MYO3B: variants seen among roughly 807,000 people sequenced by gnomAD.
MYO3B encodes the protein myosin-IIIb.
In MYO3B, 156 loss-of-function variants were observed where a neutral mutation model predicts 174.6. The ratio of observed to expected loss-of-function variants is 0.89; its 90% CI spans 0.78 to 1.02. The LOEUF is 1.02. Among genes scored for constraint, MYO3B ranks in the 50% least tolerant of loss-of-function variants. The pLI is 0.00. For synonymous variants in MYO3B, 563 were observed against 569.1 expected, an observed-to-expected ratio of 0.99 and a Z score of 0.15; for missense variants, 1,632 against 1,639.4, an observed-to-expected ratio of 1.00 and a Z score of 0.08.
chr2:170,386,341 G>C, intron 13 of MYO3B, 69 bp downstream of exon 13: 1 of 1,333,998 alleles, frequency 7.5e-7, no homozygotes, highest in Non-Finnish European at 1.1e-6. Flanking sequence ...TTTGATAAAT[G>C]ATGGAAGTGC....
In MYO3B at chr2:170,444,006, C is replaced by T. The variant is rs2105912797; in HGVS notation, c.2690C>T (p.Ser897Leu). Residue 897 changes from serine (S) to leucine (L), a missense_variant, in exon 23 of 35, where the codon TCA becomes TTA. Coordinates refer to ENST00000408978, the MANE Select transcript of MYO3B (RefSeq NM_138995.5). ...ACAAGAGCTAGGATAACAGTGGCCTCAAGTTCTTTGCCTCCACATTTCAGT... is the reference window on the plus strand; with the variant it reads ...ACAAGAGCTAGGATAACAGTGGCCTTAAGTTCTTTGCCTCCACATTTCAGT... ...AQTRARITVA[S>L]SSLPPHFSAG... 6.2e-7 allele frequency: 1 copy of T among 1,613,222 alleles called. No individual in the cohort carries two copies. Among genetic ancestry groups the T allele is most frequent in the East Asian group, 2.2e-5 (1 of 44,874 alleles).
intron 1 of MYO3B, among the ~76,000 whole-genome samples, chr2:170,197,310 A>G (rs528062301): frequency 6.6e-6 from 1 of 152,324 alleles, no homozygotes; most frequent in African/African-American, 2.4e-5. Flanking sequence ...TCTTTACTGC[A>G]ATGCCATGAA....
At chr2:170,636,300 A>G (rs1045166793) in intron 32 of MYO3B, among the ~76,000 whole-genome samples, 1 of 152,170 alleles carries the variant, frequency 6.6e-6, no homozygotes, top group Non-Finnish European at 1.5e-5. Context: ...TCAAAAACAG[A>G]GCACTTTGAA....
chr2:170,544,149 A>G (rs998031435), intron 32 of MYO3B, among the ~76,000 whole-genome samples, 161 bp downstream of exon 32: 3 of 152,254 alleles, frequency 2.0e-5, no homozygotes, highest in African/African-American at 7.2e-5. Flanking sequence ...CTTGTATTAA[A>G]GGTAGCAGTT....
chr2:170,553,436 T>C (rs1424225589), intron 32 of MYO3B, among the ~76,000 whole-genome samples: 1 of 152,244 alleles, frequency 6.6e-6, no homozygotes, highest in Admixed American at 6.5e-5. Context: ...ACTACCCTGC[T>C]GGGTTTCAGA....
chr2:170,427,181 C>G (rs942377889), intron 22 of MYO3B, among the ~76,000 whole-genome samples: 5 of 152,128 alleles, frequency 3.3e-5, no homozygotes, highest in African/African-American at 1.2e-4. Flanking sequence ...CCTGCAACCT[C>G]TAGAATTAGT....
chr2:170,486,585 G>A (rs1686080768), intron 25 of MYO3B, among the ~76,000 whole-genome samples: 1 of 152,208 alleles, frequency 6.6e-6, no homozygotes, highest in South Asian at 2.1e-4. Flanking sequence ...ACAGGCGTGA[G>A]CCACCGTGCC....
intron 7 of MYO3B, among the ~76,000 whole-genome samples, chr2:170,242,481 T>C (rs891039017): frequency 1.3e-5 from 2 of 152,224 alleles, no homozygotes; most frequent in Non-Finnish European, 2.9e-5. Context: ...TTTCACTCTG[T>C]GGAACACATT....
At chr2:170,593,264 A>T in intron 32 of MYO3B, among the ~76,000 whole-genome samples, 1 of 151,986 alleles carries the variant, frequency 6.6e-6, no homozygotes, top group East Asian at 1.9e-4. Flanking sequence ...CACTTGGCTA[A>T]TTTTTTTAAA....
At chr2:170,184,514 G>A (rs2092439764) in intron 1 of MYO3B, among the ~76,000 whole-genome samples, 1 of 152,112 alleles carries the variant, frequency 6.6e-6, no homozygotes. Context: ...GCAAATGACA[G>A]GATCTCATTC....
Position 170,474,245 on chromosome 2 carries a change from G to T in MYO3B, c.3014+7534G>T, listed in dbSNP as rs570397359. 2.6e-5 allele frequency among the ~76,000 whole-genome samples: 4 copies of T among 152,208 alleles called. No individual in the cohort carries two copies. In the East Asian group the frequency reaches 7.7e-4, roughly 29 times the overall value. ...AGGCTTAGCAACATTAGCAGCAAGAGAGTTTCTGAGAGTTCTTATGCAAGG... is the reference window on the plus strand; with the variant it reads ...AGGCTTAGCAACATTAGCAGCAAGATAGTTTCTGAGAGTTCTTATGCAAGG... On this transcript the variant is annotated intron_variant, in intron 25 of 34. Transcript: ENST00000408978.
At chr2:170,251,819 A>G (rs1222892631) in intron 7 of MYO3B, among the ~76,000 whole-genome samples, 1 of 152,206 alleles carries the variant, frequency 6.6e-6, no homozygotes, top group East Asian at 1.9e-4. Flanking sequence ...GAAAGGGTCT[A>G]GGATCCAAAA....
chr2:170,618,035 A>G (rs1358364135), intron 32 of MYO3B, among the ~76,000 whole-genome samples: 1 of 152,182 alleles, frequency 6.6e-6, no homozygotes, highest in East Asian at 1.9e-4. Context: ...TAAAGGAGGG[A>G]CAGAGTGACC....
At chr2:170,525,216 G>A (rs1048465066) in intron 30 of MYO3B, among the ~76,000 whole-genome samples, 4 of 152,182 alleles carry the variant, frequency 2.6e-5, no homozygotes, top group African/African-American at 7.2e-5. Context: ...AACTTGGCTG[G>A]AGAGAAGGAA....
chr2:170,477,632 C>T (rs973583067), intron 25 of MYO3B, among the ~76,000 whole-genome samples: 2 of 151,092 alleles, frequency 1.3e-5, no homozygotes, highest in African/African-American at 2.4e-5. Context: ...CATTTTGGAC[C>T]AGATAATTCT....
intron 7 of MYO3B, among the ~76,000 whole-genome samples, chr2:170,321,524 T>A (rs2093826402): frequency 6.6e-6 from 1 of 152,188 alleles, no homozygotes; most frequent in South Asian, 2.1e-4. Flanking sequence ...GCGAATGAAC[T>A]TGAACACCTT....
intron 7 of MYO3B, among the ~76,000 whole-genome samples, chr2:170,240,010 T>C (rs368943398): frequency 1.3e-5 from 2 of 152,320 alleles, no homozygotes; most frequent in East Asian, 3.9e-4. Context: ...ATGATTCCAA[T>C]CTCTGGCTTC....
rs1260218612 is a variant in MYO3B, at chr2:170,649,319, AAAT to A, written c.3734-2304_3734-2302del. ...TATAAAATAATATATATTATATATA[AAAT>A]AATATAATATATATTATATATAAAA... On this transcript the variant is annotated intron_variant, in intron 32 of 34. Coordinates refer to ENST00000408978, the MANE Select transcript of MYO3B (RefSeq NM_138995.5). Among the ~76,000 whole-genome samples, 67 of 100,658 alleles carry A rather than the reference AAAT, an allele frequency of 6.7e-4. 12 individuals carry two copies. Among genetic ancestry groups the A allele is most frequent in the African/African-American group, 2.3e-3 (52 of 22,800 alleles). The allele number at this position is 100,658 out of a possible 152,430, so 66.0% of individuals were successfully genotyped here. A position where few individuals can be genotyped will look rare whatever the true frequency, so the allele number is the denominator to read the frequency against.
chr2:170,305,887 C>G (rs546253300), intron 7 of MYO3B, among the ~76,000 whole-genome samples: 1 of 152,182 alleles, frequency 6.6e-6, no homozygotes, highest in Non-Finnish European at 1.5e-5. Flanking sequence ...ACTCTTGGCT[C>G]TATCCCAAAC....
Sources: allele counts gnomAD v4.1 joint callset (sites outside exome capture counted in the v4.1 genomes callset), GRCh38; gene constraint gnomAD v4.1.1; transcripts MANE v1.5; gene names NCBI Gene and HGNC (gene_info 2026-07-23, HGNC 2026-07-21).